CNGB3: variants seen among roughly 807,000 people sequenced by gnomAD.
The protein encoded by CNGB3 is cyclic nucleotide-gated channel beta-3.
In CNGB3, 86 loss-of-function variants were observed where a neutral mutation model predicts 92.8. The observed-to-expected ratio is 0.93, with a 90% CI of 0.78 to 1.11. CNGB3 has a LOEUF of 1.11. Ranked by LOEUF, CNGB3 falls within the 50% of genes least tolerant of loss-of-function variation. The probability of loss-of-function intolerance (pLI) is 0.00; values close to 1 mark genes in which losing one functional copy is unlikely to be tolerated. For missense variants in CNGB3, 1,026 were observed against 956.8 expected (o/e 1.07, Z -0.95); for synonymous variants, 333 against 332.7 (o/e 1.00, Z -0.01).
chr8:86,620,396 A>G (rs565559917), intron 13 of CNGB3, among the ~76,000 whole-genome samples: 70 of 152,100 alleles, frequency 4.6e-4, no homozygotes, highest in African/African-American at 1.7e-3. Context: ...GCAGATGGCT[A>G]CCTTCTCACT....
At chr8:86,703,764 T>C (rs977943459) in intron 3 of CNGB3, among the ~76,000 whole-genome samples, 2 of 152,240 alleles carry the variant, frequency 1.3e-5, no homozygotes, top group Non-Finnish European at 2.9e-5. Context: ...TCGGGTCTTA[T>C]ACGGTGAATG....
chr8:86,682,074 G>T (rs1296385764), intron 3 of CNGB3, among the ~76,000 whole-genome samples: 2 of 152,178 alleles, frequency 1.3e-5, no homozygotes, highest in Non-Finnish European at 1.5e-5. Flanking sequence ...GTAGCATGCA[G>T]AGCTCTGTAA....
At position 86,666,994 on chromosome 8, in the gene CNGB3, A is replaced by G; in HGVS notation, c.783T>C (p.Asp261=). 6.2e-7 allele frequency: 1 copy of G among 1,613,904 alleles called. No homozygotes were observed. The highest frequency in any genetic ancestry group is 8.5e-7 in the Non-Finnish European group (1 of 1,180,016). ...HYWLIADIIC[D]IIYLYDMLFI... ...ATAGCATATCATAAAGGTAGATGAT[A>G]TCACATATGATGTCCGCAATAAGCC... The change falls in exon 6 of 18, where the codon GAT becomes GAC. Residue 261 remains aspartate (D), a synonymous_variant. Transcript: ENST00000320005.
chr8:86,709,305 A>C (rs77992938), intron 3 of CNGB3, among the ~76,000 whole-genome samples: 7,507 of 152,228 alleles, frequency 0.049, 256 homozygotes, highest in Middle Eastern at 0.2. Flanking sequence ...TTTTCCTCTA[A>C]TTGTACCTAT....
chr8:86,673,512 C>A (rs1823906864), intron 3 of CNGB3, among the ~76,000 whole-genome samples: 1 of 152,024 alleles, frequency 6.6e-6, no homozygotes, highest in Non-Finnish European at 1.5e-5. Context: ...ATGATGGTCC[C>A]ATGTGATCTA....
At chr8:86,668,891 C>T (rs374119476) in intron 4 of CNGB3, among the ~76,000 whole-genome samples, 23 of 152,016 alleles carry the variant, frequency 1.5e-4, no homozygotes, top group East Asian at 5.8e-4. Context: ...TGGTGGTGCA[C>T]GCCTGTAGTC....
chr8:86,686,729 G>T (rs927502504), intron 3 of CNGB3, among the ~76,000 whole-genome samples: 1 of 151,938 alleles, frequency 6.6e-6, no homozygotes, highest in South Asian at 2.1e-4. Context: ...TTTGACTCAG[G>T]TGATAAGGTA....
chr8:86,592,311 C>G (rs920341649), intron 15 of CNGB3, among the ~76,000 whole-genome samples: 1 of 152,252 alleles, frequency 6.6e-6, no homozygotes, highest in South Asian at 2.1e-4. Context: ...CTGCGTCGCT[C>G]AGGCTGGGAG....
chr8:86,660,796 C>T (rs1376606141), intron 6 of CNGB3: 2 of 502,028 alleles, frequency 4.0e-6, no homozygotes, highest in African/African-American at 3.9e-5. Context: ...AATTGTCCTG[C>T]TACCCTCCAA....
intron 3 of CNGB3, among the ~76,000 whole-genome samples, chr8:86,688,996 A>G (rs985490806): frequency 7.0e-6 from 1 of 143,560 alleles, no homozygotes; most frequent in African/African-American, 2.6e-5. Context: ...TGTTTCTATT[A>G]TTTGCTTCAA....
At chr8:86,662,646 T>C (rs746599198) in intron 6 of CNGB3, among the ~76,000 whole-genome samples, 20 of 152,188 alleles carry the variant, frequency 1.3e-4, no homozygotes, top group Non-Finnish European at 2.5e-4. Context: ...GGTGGAGCCT[T>C]GGAAAGTTTG....
In CNGB3 at chr8:86,692,330, G is replaced by A. The variant is rs974909783; in HGVS notation, c.339-21232C>T. Reference sequence around the variant, plus strand: ...CTAGGGCTGTCAGTAAAGTATTGAAGACCCCCACTAATATCGTGTTGCCAT... The same window carrying A: ...CTAGGGCTGTCAGTAAAGTATTGAAAACCCCCACTAATATCGTGTTGCCAT... On this transcript the variant is annotated intron_variant, in intron 3 of 17. Transcript: ENST00000320005. Among the ~76,000 whole-genome samples, 36 of 152,110 alleles carry A rather than the reference G, an allele frequency of 2.4e-4. 1 individual carries two copies. The highest frequency in any genetic ancestry group is 2.9e-5 in the Non-Finnish European group (2 of 68,002).
intron 13 of CNGB3, among the ~76,000 whole-genome samples, chr8:86,616,143 G>A (rs10093381): frequency 3.9e-5 from 6 of 151,966 alleles, no homozygotes; most frequent in Non-Finnish European, 8.8e-5. Context: ...TTCAGCTGAC[G>A]GCTTGGATTT....
chr8:86,679,557 G>T (rs1824041006), intron 3 of CNGB3, among the ~76,000 whole-genome samples: 1 of 150,654 alleles, frequency 6.6e-6, no homozygotes, highest in East Asian at 2.0e-4. Flanking sequence ...AAGGAGTCTT[G>T]CTCTGTCACC....
At chr8:86,717,938 T>C (rs1019205513) in intron 3 of CNGB3, among the ~76,000 whole-genome samples, 65 of 152,164 alleles carry the variant, frequency 4.3e-4, no homozygotes, top group African/African-American at 1.6e-3. Context: ...GAAATCAAGA[T>C]GAAAATTAAA....
intron 7 of CNGB3, among the ~76,000 whole-genome samples, chr8:86,648,128 G>A (rs1045458773): frequency 6.6e-6 from 1 of 151,054 alleles, no homozygotes; most frequent in Non-Finnish European, 1.5e-5. Context: ...TCTCTCCTTA[G>A]GCGTTGCATT....
intron 3 of CNGB3, among the ~76,000 whole-genome samples, chr8:86,679,437 G>T (rs1322885734): frequency 6.6e-6 from 1 of 152,140 alleles, no homozygotes; most frequent in Non-Finnish European, 1.5e-5. Flanking sequence ...CCTATGGGGA[G>T]GAATTAAGGT....
In CNGB3 at chr8:86,735,635, A is replaced by G. The variant is rs144677615; in HGVS notation, c.211+4020T>C. Among the ~76,000 whole-genome samples the G allele has an allele frequency of 2.5e-3, 388 of 152,180 alleles. 1 individual carries two copies. Among genetic ancestry groups the G allele is most frequent in the Middle Eastern group, 6.8e-3 (2 of 294 alleles). On this transcript the variant is annotated intron_variant, in intron 2 of 17. Coordinates refer to ENST00000320005, the MANE Select transcript of CNGB3 (RefSeq NM_019098.5). Reference sequence around the variant, plus strand: ...CTTCCTCCACCTCCAGAGAGCATCAATCCAACTCTGCTTTCATTGTCCCAG... The same window carrying G: ...CTTCCTCCACCTCCAGAGAGCATCAGTCCAACTCTGCTTTCATTGTCCCAG...
intron 14 of CNGB3, 38 bp downstream of exon 14, chr8:86,611,550 T>G: frequency 6.7e-7 from 1 of 1,484,144 alleles, no homozygotes; most frequent in Non-Finnish European, 9.4e-7. Context: ...CTCAAATGCA[T>G]TTATTAGTTG....
Sources: gnomAD v4.1 joint callset for allele counts (sites outside exome capture counted in the v4.1 genomes callset) on GRCh38, gnomAD v4.1.1 for gene constraint, MANE v1.5 for transcripts, NCBI Gene and HGNC (gene_info 2026-07-23, HGNC 2026-07-21) for gene names.